The following TRIM37 variants were observed in gnomAD, a reference collection of about 807,000 sequenced individuals.
TRIM37 encodes the protein tripartite motif containing 37, also known as E3 ubiquitin-protein ligase TRIM37.
A neutral mutation model predicts 129.8 loss-of-function variants in TRIM37; 80 were observed. The observed-to-expected ratio is 0.62, with a 90% CI of 0.51 to 0.74. The LOEUF (loss-of-function observed/expected upper bound fraction) is 0.74, where lower values mean the gene tolerates loss of function less well. Ranked by LOEUF, TRIM37 falls within the 30% of genes least tolerant of loss-of-function variation. The pLI is 0.00. For synonymous variants in TRIM37, 389 were observed against 387.1 expected (o/e 1.00, Z -0.06); for missense variants, 1,054 against 1,176.5 (o/e 0.90, Z 1.52).
In TRIM37 at chr17:59,104,613, T is replaced by C; in HGVS notation, c.22-219A>G. 11 of 679,332 alleles carry C rather than the reference T, an allele frequency of 1.6e-5. No individual in the cohort carries two copies. The South Asian group carries it at 1.7e-4, about 10-fold the overall frequency. 42.1% of individuals were successfully genotyped at this position (679,332 alleles called of 1,614,324 possible). ...CACGATGATTCTATTCTAAGGAAAA[T>C]ATAGGAAATGCAAACACAGACATGC... is the stretch of plus-strand genomic sequence containing the variant. On this transcript the variant is annotated intron_variant, in intron 1 of 23. Transcript: ENST00000262294.
chr17:59,106,315 T>C (rs1028445207), intron 1 of TRIM37, 126 bp downstream of exon 1: 1 of 1,147,726 alleles, frequency 8.7e-7, no homozygotes, highest in Non-Finnish European at 1.3e-6. Context: ...GGGCCAGCCC[T>C]CTCCACAGCG....
chr17:58,977,590 A>T, the TRIM37 span, among the ~76,000 whole-genome samples: 3 of 152,256 alleles, frequency 2.0e-5, no homozygotes, highest in Non-Finnish European at 4.4e-5. Context: ...ATACTAACTC[A>T]GGTAATTATA....
At chr17:59,051,181 G>T (rs145355785) in intron 14 of TRIM37, 33 bp downstream of exon 14, 54 of 1,391,740 alleles carry the variant, frequency 3.9e-5, no homozygotes, top group Non-Finnish European at 5.3e-5. Flanking sequence ...AGGACAATAG[G>T]AAACACCAAA....
chr17:59,089,623 G>T (rs546971624), intron 3 of TRIM37, among the ~76,000 whole-genome samples: 1 of 152,268 alleles, frequency 6.6e-6, no homozygotes, highest in East Asian at 1.9e-4. Flanking sequence ...CCTGGCGAAA[G>T]AGTGAGACTC....
intron 2 of TRIM37, among the ~76,000 whole-genome samples, chr17:59,101,669 AAAAAAAAAATATAT>A (rs2045495860): frequency 8.4e-6 from 1 of 119,118 alleles, no homozygotes; most frequent in African/African-American, 3.6e-5. Context: ...AAAAAAAAAA[AAAAAAAAAATATAT>A]ATATATATAT....
chr17:59,106,265 AC>A (rs567935445), intron 1 of TRIM37, among the ~76,000 whole-genome samples, 175 bp downstream of exon 1: 255 of 152,222 alleles, frequency 1.7e-3, no homozygotes, highest in African/African-American at 5.9e-3. Flanking sequence ...AGCACAAGAC[AC>A]CCGGAGCGCT....
chr17:59,081,188 T>G lies in TRIM37; in HGVS notation c.401A>C (p.Glu134Ala), dbSNP rs1376779927. 2 of 1,613,860 alleles carry G rather than the reference T, an allele frequency of 1.2e-6. No homozygotes were observed. The highest frequency in any genetic ancestry group is 2.7e-5 in the African/African-American group (2 of 74,916). ...HGGHTFKPLA[E>A]IYEQHVTKVN... ...TTTAGTGACGTGTTGCTCATAAATT[T>G]CTGCCAAAGGTTTAAAGGTATGTCC... is the stretch of plus-strand genomic sequence containing the variant. The change falls in exon 6 of 24, where the codon GAA becomes GCA. Residue 134 changes from glutamate (E) to alanine (A), a missense_variant. Physicochemically the swap from Glu to Ala is moderately radical, Grantham distance 107. Coordinates refer to ENST00000262294, the MANE Select transcript of TRIM37 (RefSeq NM_015294.6).
At chr17:59,044,515 T>C (rs942083010) in intron 16 of TRIM37, among the ~76,000 whole-genome samples, 3 of 151,698 alleles carry the variant, frequency 2.0e-5, no homozygotes, top group African/African-American at 7.3e-5. Context: ...TGAGCTGAGA[T>C]TGTGCCACTG....
At chr17:59,009,531 C>T (rs190721183) in intron 22 of TRIM37, among the ~76,000 whole-genome samples, 115 of 150,222 alleles carry the variant, frequency 7.7e-4, no homozygotes, top group African/African-American at 2.6e-3. Flanking sequence ...CTGTAACCTC[C>T]GCCTCCCGGG....
intron 4 of TRIM37, among the ~76,000 whole-genome samples, chr17:59,085,636 T>C (rs1453662158): frequency 6.6e-6 from 1 of 152,110 alleles, no homozygotes; most frequent in Non-Finnish European, 1.5e-5. Flanking sequence ...GTATGGAGAT[T>C]CCTCAAAAAC....
intron 13 of TRIM37, among the ~76,000 whole-genome samples, chr17:59,055,292 C>T (rs960017948): frequency 4.2e-5 from 6 of 141,850 alleles, no homozygotes; most frequent in East Asian, 2.1e-4. Flanking sequence ...GCCAAGATCG[C>T]GCCATTGCGC....
At chr17:59,022,255 A>G (rs2036696083) in intron 19 of TRIM37, among the ~76,000 whole-genome samples, 1 of 152,160 alleles carries the variant, frequency 6.6e-6, no homozygotes, top group African/African-American at 2.4e-5. Context: ...TGTTTTTTTA[A>G]AAAAAGTATA....
intron 10 of TRIM37, among the ~76,000 whole-genome samples, chr17:59,062,929 C>T (rs537151358): frequency 1.3e-4 from 20 of 152,216 alleles, no homozygotes; most frequent in South Asian, 6.2e-4. Flanking sequence ...GAATGTATCA[C>T]CAAGTCTCCC....
chr17:58,992,266 TAA>T (rs2032496151), intron 24 of TRIM37, among the ~76,000 whole-genome samples: 1 of 143,528 alleles, frequency 7.0e-6, no homozygotes. Flanking sequence ...TATATAAATA[TAA>T]ATATATATAT....
intron 21 of TRIM37, among the ~76,000 whole-genome samples, chr17:59,014,642 A>C (rs1426122579): frequency 6.6e-6 from 1 of 152,010 alleles, no homozygotes; most frequent in Non-Finnish European, 1.5e-5. Context: ...TGTTTCATAC[A>C]AAATATATAT....
intron 17 of TRIM37, among the ~76,000 whole-genome samples, chr17:59,038,144 C>T (rs1169142072): frequency 6.6e-6 from 1 of 152,158 alleles, no homozygotes; most frequent in Non-Finnish European, 1.5e-5. Flanking sequence ...AGTTTCTCTA[C>T]TTCAAAGTTG....
chr17:59,003,168 T>C (rs1282527126), intron 22 of TRIM37, among the ~76,000 whole-genome samples: 4 of 152,210 alleles, frequency 2.6e-5, no homozygotes, highest in Non-Finnish European at 4.4e-5. Context: ...TGAGCCACCA[T>C]GCCTGGCCAA....
At chr17:58,983,373 G>T (rs891265136) in intron 24 of TRIM37, 2 of 154,932 alleles carry the variant, frequency 1.3e-5, no homozygotes, top group Admixed American at 1.3e-4. Flanking sequence ...CTAAAATAGT[G>T]GTTATTGGTC....
chr17:58,978,731 C>T (rs1265593331), downstream of TRIM37, among the ~76,000 whole-genome samples: 1 of 152,076 alleles, frequency 6.6e-6, no homozygotes, highest in Non-Finnish European at 1.5e-5. Context: ...AATTGAGAGT[C>T]CCTTGTTGTA....
Sources: gnomAD v4.1 joint callset for allele counts (sites outside exome capture counted in the v4.1 genomes callset) on GRCh38, gnomAD v4.1.1 for gene constraint, MANE v1.5 for transcripts, NCBI Gene and HGNC (gene_info 2026-07-23, HGNC 2026-07-21) for gene names.